FREM1: variants seen among roughly 807,000 people sequenced by gnomAD.
The protein encoded by FREM1 is FRAS1 related extracellular matrix 1.
A neutral mutation model predicts 210.1 loss-of-function variants in FREM1; 220 were observed. That is an observed-to-expected ratio of 1.05 (90% confidence interval 0.94 to 1.17). The LOEUF (loss-of-function observed/expected upper bound fraction) is 1.17, where lower values mean the gene tolerates loss of function less well. Ranked by LOEUF, FREM1 falls within the 50% of genes most tolerant of loss-of-function variation. FREM1 has a pLI of 0.00. For synonymous variants in FREM1, 1,189 were observed against 980.2 expected (o/e 1.21, Z -3.98); for missense variants, 3,454 against 2,675.5 (o/e 1.29, Z -6.42).
At chr9:14,893,589 A>G (rs1472178432) in intron 1 of FREM1, among the ~76,000 whole-genome samples, 3 of 152,252 alleles carry the variant, frequency 2.0e-5, no homozygotes, top group African/African-American at 7.2e-5. Flanking sequence ...GCTTAAAAAT[A>G]ATAGGAGCTT....
Position 14,851,542 on chromosome 9 carries a change from T to A in FREM1, c.894A>T (p.Ala298=), listed in dbSNP as rs749133591. The change falls in exon 6 of 37, where the codon GCA becomes GCT. Residue 298 remains alanine, a synonymous_variant. Transcript: ENST00000380880. ...CTTCCAGAATAAACACGGCCATGAA[T>A]GCAGCCTTTGGAATCTGATTCGGAA... ...AGIPNQIPKA[A]FMAVFILEVD... is the part of the protein sequence containing the mutation. 6.2e-7 allele frequency: 1 copy of A among 1,613,960 alleles called. No homozygotes were observed. Among genetic ancestry groups the A allele is most frequent in the Non-Finnish European group, 8.5e-7 (1 of 1,179,854 alleles).
At chr9:14,764,209 T>C (rs1846003984) in intron 27 of FREM1, among the ~76,000 whole-genome samples, 1 of 152,220 alleles carries the variant, frequency 6.6e-6, no homozygotes, top group African/African-American at 2.4e-5. Context: ...GCCTTTTGCC[T>C]TCTGCCATGC....
chr9:14,797,647 A>G lies in FREM1; in HGVS notation c.3695-5T>C. 3 of 1,606,706 alleles carry G rather than the reference A, an allele frequency of 1.9e-6. No homozygotes were observed. Among genetic ancestry groups the G allele is most frequent in the Admixed American group, 3.4e-5 (2 of 59,428 alleles). ...GCATGTACGTCAACCTCATTCCTGG[A>G]AGAAGGAAAAAAAATAAGTAAATCT... On this transcript the variant is annotated splice_polypyrimidine_tract_variant and splice_region_variant and intron_variant, in intron 20 of 36. Coordinates refer to ENST00000380880, the MANE Select transcript of FREM1 (RefSeq NM_001379081.2).
intron 6 of FREM1, among the ~76,000 whole-genome samples, chr9:14,850,694 A>T (rs374986327): frequency 3.3e-5 from 5 of 152,186 alleles, no homozygotes; most frequent in Non-Finnish European, 7.3e-5. Context: ...ACACCTGCAC[A>T]TCCTGCACAT....
chr9:14,860,573 A>ATGTGTGTATATATATATGTG (rs1564099062), intron 3 of FREM1, among the ~76,000 whole-genome samples: 8 of 107,604 alleles, frequency 7.4e-5, no homozygotes, highest in African/African-American at 3.3e-4. Flanking sequence ...ATATATACAC[A>ATGTGTGTATATATATATGTG]TATATATACA....
At chr9:14,765,373 T>C (rs1846209350) in intron 27 of FREM1, among the ~76,000 whole-genome samples, 1 of 152,174 alleles carries the variant, frequency 6.6e-6, no homozygotes, top group Non-Finnish European at 1.5e-5. Context: ...TGTGATTTAG[T>C]GTGTGATTAC....
chr9:14,900,824 T>C (rs1045000778), intron 1 of FREM1, among the ~76,000 whole-genome samples: 14 of 152,186 alleles, frequency 9.2e-5, no homozygotes, highest in Non-Finnish European at 7.4e-5. Flanking sequence ...AGTCCCCTTA[T>C]AGTGCATGGA....
chr9:14,839,381 A>G (rs1825218511), intron 10 of FREM1, among the ~76,000 whole-genome samples: 1 of 152,218 alleles, frequency 6.6e-6, no homozygotes, highest in Non-Finnish European at 1.5e-5. Context: ...TGATACATAC[A>G]TGTAAAGATG....
intron 1 of FREM1, among the ~76,000 whole-genome samples, chr9:14,875,168 G>C (rs531572953): frequency 5.7e-4 from 87 of 152,288 alleles, no homozygotes; most frequent in African/African-American, 2.1e-3. Flanking sequence ...TTCTCGAGGA[G>C]TATCTTTGTG....
chr9:14,755,607 C>T (rs1844198369), intron 29 of FREM1, among the ~76,000 whole-genome samples: 1 of 152,214 alleles, frequency 6.6e-6, no homozygotes. Context: ...GATGGCCGGG[C>T]TCCAGCCTCA....
chr9:14,830,616 T>A (rs1223166348), intron 10 of FREM1, among the ~76,000 whole-genome samples: 2 of 151,612 alleles, frequency 1.3e-5, no homozygotes, highest in Admixed American at 6.6e-5. Flanking sequence ...CCGGAAGACC[T>A]CCTCCTCTTT....
chr9:14,792,276 A>G (rs556169329), intron 22 of FREM1, among the ~76,000 whole-genome samples: 31 of 129,732 alleles, frequency 2.4e-4, no homozygotes, highest in African/African-American at 8.9e-4. Flanking sequence ...ACACACGCAC[A>G]CACACACACA....
At chr9:14,786,893 A>C (rs532618712) in intron 23 of FREM1, among the ~76,000 whole-genome samples, 25 of 152,260 alleles carry the variant, frequency 1.6e-4, no homozygotes, top group African/African-American at 6.0e-4. Context: ...GGGAAACACA[A>C]AGCACCCACG....
intron 23 of FREM1, 57 bp downstream of exon 23, chr9:14,788,862 A>G (rs1321523950): frequency 1.5e-6 from 2 of 1,326,856 alleles, no homozygotes; most frequent in Non-Finnish European, 2.1e-6. Context: ...CGAATGTGGA[A>G]TACTTATACC....
At chr9:14,823,401 C>T (rs1821740409) in intron 12 of FREM1, 74 bp from the exon 13 acceptor site, 2 of 1,329,574 alleles carry the variant, frequency 1.5e-6, no homozygotes, top group East Asian at 2.3e-5. Flanking sequence ...TCCAAGAGAA[C>T]CATCATGTTA....
chr9:14,905,715 C>G (rs1347244614), intron 1 of FREM1, among the ~76,000 whole-genome samples: 2 of 152,116 alleles, frequency 1.3e-5, no homozygotes, highest in East Asian at 3.9e-4. Flanking sequence ...ATGGCAAAAC[C>G]CTGTCTCTAC....
chr9:14,889,752 G>A (rs377056982), intron 1 of FREM1, among the ~76,000 whole-genome samples: 5 of 152,156 alleles, frequency 3.3e-5, no homozygotes, highest in African/African-American at 1.2e-4. Flanking sequence ...ATGCTCTTAG[G>A]TTGTCCGGGG....
At chr9:14,797,738 T>G (rs1325749394) in intron 20 of FREM1, 96 bp from the exon 21 acceptor site, 1 of 1,032,524 alleles carries the variant, frequency 9.7e-7, no homozygotes, top group Admixed American at 1.9e-5. Context: ...GCAGGGGTAT[T>G]AGCAAGAGTT....
chr9:14,887,110 G>A (rs898164117), intron 1 of FREM1, among the ~76,000 whole-genome samples: 1 of 152,064 alleles, frequency 6.6e-6, no homozygotes, highest in Non-Finnish European at 1.5e-5. Flanking sequence ...TCATCAAGGG[G>A]CAATGAACTG....
Sources: allele counts gnomAD v4.1 joint callset (sites outside exome capture counted in the v4.1 genomes callset), GRCh38; gene constraint gnomAD v4.1.1; transcripts MANE v1.5; gene names NCBI Gene and HGNC (gene_info 2026-07-23, HGNC 2026-07-21).